Variants in EXOC6 observed in about 807,000 individuals in gnomAD.
EXOC6 encodes SEC15-like 1.
In EXOC6, 60 loss-of-function variants were observed where a neutral mutation model predicts 112.5. That is an observed-to-expected ratio of 0.53 (90% CI 0.43 to 0.66). EXOC6 has a LOEUF of 0.66. EXOC6 is among the 30% of genes least tolerant of loss of function. The pLI is 0.00. For synonymous variants in EXOC6, 295 were observed against 308.0 expected (o/e 0.96, Z 0.44); for missense variants, 855 against 957.1 (o/e 0.89, Z 1.41).
At chr10:92,918,134 A>G (rs1444033957) in intron 7 of EXOC6, among the ~76,000 whole-genome samples, 1 of 152,220 alleles carries the variant, frequency 6.6e-6, no homozygotes, top group Admixed American at 6.5e-5. Flanking sequence ...TGACAGAGTG[A>G]GACGCCCATT....
At position 92,881,221 on chromosome 10, in the gene EXOC6, G is replaced by A. The variant is rs562663407; in HGVS notation, c.102-12128G>A. Among the ~76,000 whole-genome samples, 3 of 152,240 alleles carry A rather than the reference G, an allele frequency of 2.0e-5. No individual in the cohort carries two copies. In the South Asian group the frequency reaches 6.2e-4, roughly 32 times the overall value. Reference sequence around the variant, plus strand: ...AGTCAGATTTCTTACATAGTGGATGGCTTTCTCCAGACTAAGTGTCTAAAG... The same window carrying A: ...AGTCAGATTTCTTACATAGTGGATGACTTTCTCCAGACTAAGTGTCTAAAG... On this transcript the variant is annotated intron_variant, in intron 1 of 21. Coordinates refer to ENST00000260762, the MANE Select transcript of EXOC6 (RefSeq NM_019053.6).
upstream of EXOC6, among the ~76,000 whole-genome samples, chr10:92,830,313 T>A (rs181973700): frequency 1.3e-5 from 2 of 152,300 alleles, no homozygotes; most frequent in African/African-American, 2.4e-5. Context: ...GAGCGACTGA[T>A]GCAGTTTTAT....
At chr10:92,849,180 C>T (rs1008161769) in intron 1 of EXOC6, among the ~76,000 whole-genome samples, 1 of 152,066 alleles carries the variant, frequency 6.6e-6, no homozygotes, top group African/African-American at 2.4e-5. Context: ...CCCGCGCGGC[C>T]GCAGTGGGCG....
At chr10:92,866,942 A>G (rs1009319171) in intron 1 of EXOC6, among the ~76,000 whole-genome samples, 9 of 152,178 alleles carry the variant, frequency 5.9e-5, no homozygotes, top group African/African-American at 1.2e-4. Context: ...ATTTGTATCA[A>G]TAAGCCAGTC....
chr10:92,985,871 A>T (rs1226701113), intron 18 of EXOC6, among the ~76,000 whole-genome samples: 1 of 152,178 alleles, frequency 6.6e-6, no homozygotes, highest in Non-Finnish European at 1.5e-5. Context: ...ATGTGACACC[A>T]AAAAGAATTG....
intron 1 of EXOC6, among the ~76,000 whole-genome samples, chr10:92,850,611 G>A (rs2250393): frequency 0.21 from 32,305 of 152,042 alleles, 4,664 homozygotes; most frequent in Non-Finnish European, 0.31. Flanking sequence ...GTAAAATAGT[G>A]TAATGAACCA....
chr10:93,042,717 T>G lies in EXOC6; in HGVS notation c.2170-14207T>G, dbSNP rs1159199552. On this transcript the variant is annotated intron_variant, in intron 20 of 21. Coordinates refer to ENST00000260762, the MANE Select transcript of EXOC6 (RefSeq NM_019053.6). ...TATAAGTCACTCGATCTGTGGTACTTTGTTATGGTAACCCAAACAGACTAA... is the reference window on the plus strand; with the variant it reads ...TATAAGTCACTCGATCTGTGGTACTGTGTTATGGTAACCCAAACAGACTAA... 3.9e-5 allele frequency among the ~76,000 whole-genome samples: 6 copies of G among 152,304 alleles called. No individual in the cohort carries two copies. In the East Asian group the frequency reaches 1.2e-3, roughly 29 times the overall value.
chr10:93,032,908 A>C (rs1468890210), intron 20 of EXOC6, among the ~76,000 whole-genome samples: 5 of 152,190 alleles, frequency 3.3e-5, no homozygotes, highest in Non-Finnish European at 7.3e-5. Flanking sequence ...ACTGAGTGAA[A>C]TTGGGAAATA....
chr10:93,042,379 G>C (rs1845822456), intron 20 of EXOC6, among the ~76,000 whole-genome samples: 1 of 152,184 alleles, frequency 6.6e-6, no homozygotes, highest in Non-Finnish European at 1.5e-5. Context: ...CAGCATGTTA[G>C]TTTGTAATTA....
chr10:92,935,734 C>T (rs1398235093), intron 11 of EXOC6, 80 bp from the exon 12 acceptor site: 2 of 992,840 alleles, frequency 2.0e-6, no homozygotes, highest in Non-Finnish European at 3.1e-6. Context: ...TTATCAATTT[C>T]TTATTTCTTA....
intron 17 of EXOC6, among the ~76,000 whole-genome samples, chr10:92,964,683 A>G (rs1360477927): frequency 6.6e-6 from 1 of 152,226 alleles, no homozygotes; most frequent in Non-Finnish European, 1.5e-5. Flanking sequence ...AGGAACTGAT[A>G]GAAAAAGCAA....
At chr10:93,031,661 T>A (rs930730659) in intron 20 of EXOC6, among the ~76,000 whole-genome samples, 3 of 151,884 alleles carry the variant, frequency 2.0e-5, no homozygotes, top group African/African-American at 7.3e-5. Flanking sequence ...TACAGGCACA[T>A]GCTACCGCAC....
At chr10:92,871,892 T>C (rs1848467437) in intron 1 of EXOC6, among the ~76,000 whole-genome samples, 1 of 152,160 alleles carries the variant, frequency 6.6e-6, no homozygotes, top group African/African-American at 2.4e-5. Context: ...TTAGTATTTT[T>C]TGTATTTAAA....
At chr10:93,030,955 C>A (rs1404283078) in intron 20 of EXOC6, among the ~76,000 whole-genome samples, 1 of 152,048 alleles carries the variant, frequency 6.6e-6, no homozygotes, top group African/African-American at 2.4e-5. Context: ...GCCAAACTTC[C>A]AGGAAGAAAA....
intron 20 of EXOC6, among the ~76,000 whole-genome samples, chr10:93,034,391 A>G (rs367697005): frequency 1.3e-5 from 2 of 152,238 alleles, no homozygotes; most frequent in African/African-American, 4.8e-5. Context: ...ATTTTCTTTT[A>G]TCCTTTTATA....
chr10:92,832,380 C>T (rs1173052917), upstream of EXOC6, among the ~76,000 whole-genome samples: 2 of 152,010 alleles, frequency 1.3e-5, no homozygotes, highest in Non-Finnish European at 2.9e-5. Flanking sequence ...CGGGTTCAAG[C>T]GATTCGCCTG....
chr10:93,020,610 GAC>G (rs1844740434), intron 20 of EXOC6, among the ~76,000 whole-genome samples: 2 of 152,100 alleles, frequency 1.3e-5, no homozygotes, highest in Non-Finnish European at 2.9e-5. Context: ...TCTAAAATAA[GAC>G]ACAGCTGTTT....
intron 1 of EXOC6, among the ~76,000 whole-genome samples, chr10:92,827,777 C>G (rs1020140935): frequency 6.6e-6 from 1 of 152,150 alleles, no homozygotes; most frequent in Non-Finnish European, 1.5e-5. Context: ...GGTTCCCACA[C>G]CTTTGTTGCT....
At chr10:93,024,928 G>T (rs369031056) in intron 20 of EXOC6, among the ~76,000 whole-genome samples, 2 of 151,992 alleles carry the variant, frequency 1.3e-5, no homozygotes, top group South Asian at 4.2e-4. Context: ...TGGAAAGCCC[G>T]ACCGCAGGGA....
Sources: gnomAD v4.1 joint callset for allele counts (sites outside exome capture counted in the v4.1 genomes callset) on GRCh38, gnomAD v4.1.1 for gene constraint, MANE v1.5 for transcripts, NCBI Gene and HGNC (gene_info 2026-07-23, HGNC 2026-07-21) for gene names.